Variants in PALLD observed in about 807,000 individuals in gnomAD.
PALLD encodes the protein palladin, cytoskeletal associated protein, also known as palladin.
PALLD carries 61 observed loss-of-function variants against 123.5 expected under a neutral mutation model. The observed-to-expected ratio is 0.49, with a 90% CI of 0.40 to 0.61. PALLD has a LOEUF of 0.61. Among genes scored for constraint, PALLD ranks in the 20% least tolerant of loss-of-function variants. The probability of loss-of-function intolerance (pLI) is 0.00; values close to 1 mark genes in which losing one functional copy is unlikely to be tolerated. For synonymous variants in PALLD, 465 were observed against 496.4 expected, an observed-to-expected ratio of 0.94 and a Z score of 0.84; for missense variants, 1,273 against 1,377.0, an observed-to-expected ratio of 0.92 and a Z score of 1.20.
chr4:168,902,674 C>T (rs768038382), intron 14 of PALLD, among the ~76,000 whole-genome samples: 4 of 152,080 alleles, frequency 2.6e-5, no homozygotes, highest in African/African-American at 4.8e-5. Context: ...CCTTAGAACT[C>T]GGACATCCAT....
chr4:168,754,160 T>C (rs1581283345), intron 10 of PALLD, among the ~76,000 whole-genome samples: 2 of 152,376 alleles, frequency 1.3e-5, no homozygotes, highest in East Asian at 3.9e-4. Context: ...TTTCCTTCTT[T>C]GTTATTTAGA....
At chr4:168,873,510 A>G (rs558885878) in intron 10 of PALLD, among the ~76,000 whole-genome samples, 4 of 152,354 alleles carry the variant, frequency 2.6e-5, no homozygotes, top group East Asian at 1.9e-4. Flanking sequence ...TGCAATCCAG[A>G]TATTGCTCCA....
intron 2 of PALLD, among the ~76,000 whole-genome samples, chr4:168,606,183 G>A (rs956168852): frequency 6.6e-6 from 1 of 152,090 alleles, no homozygotes; most frequent in African/African-American, 2.4e-5. Flanking sequence ...TTGATTATCA[G>A]GGAAGTTGAG....
intron 10 of PALLD, among the ~76,000 whole-genome samples, chr4:168,817,964 G>A (rs377495524): frequency 2.0e-4 from 31 of 152,280 alleles, no homozygotes; most frequent in African/African-American, 6.5e-4. Context: ...CTGCCCAGAA[G>A]AGTTTGGGTA....
At chr4:168,584,618 C>T (rs1770627365) in intron 2 of PALLD, among the ~76,000 whole-genome samples, 1 of 152,150 alleles carries the variant, frequency 6.6e-6, no homozygotes, top group Non-Finnish European at 1.5e-5. Flanking sequence ...ATCTTAGTCA[C>T]CAAGTATGTC....
chr4:168,748,482 G>A lies in PALLD; in HGVS notation c.1964+36559G>A, dbSNP rs1010489723. ...TAAAAGCTTAGTTGACTTCTATGGT[G>A]TATTCGTTTCCTATTCTGTATAACA... On this transcript the variant is annotated intron_variant, in intron 10 of 21. Coordinates refer to ENST00000505667, the MANE Select transcript of PALLD (RefSeq NM_001166108.2). 3.3e-5 allele frequency among the ~76,000 whole-genome samples: 5 copies of A among 152,336 alleles called. No individual in the cohort carries two copies. In the East Asian group the frequency reaches 7.7e-4, roughly 23 times the overall value.
chr4:168,612,803 C>T (rs897012930), intron 2 of PALLD, among the ~76,000 whole-genome samples: 8 of 152,168 alleles, frequency 5.3e-5, no homozygotes, highest in African/African-American at 1.4e-4. Flanking sequence ...AAAATCTTCT[C>T]CCAGGGTCCT....
At chr4:168,652,397 G>A (rs2149923127) in intron 2 of PALLD, among the ~76,000 whole-genome samples, 1 of 152,258 alleles carries the variant, frequency 6.6e-6, no homozygotes, top group South Asian at 2.1e-4. Context: ...TCTCAAATGG[G>A]CCTTTGAAAA....
chr4:168,542,589 A>G (rs1765723982), intron 2 of PALLD, among the ~76,000 whole-genome samples: 1 of 150,706 alleles, frequency 6.6e-6, no homozygotes, highest in Non-Finnish European at 1.5e-5. Flanking sequence ...CAGTTTCCAT[A>G]AACAGAAAAA....
intron 2 of PALLD, among the ~76,000 whole-genome samples, chr4:168,601,614 T>TA (rs369717575): frequency 0.014 from 2,157 of 151,932 alleles, 17 homozygotes; most frequent in Middle Eastern, 0.054. Context: ...TGATCTGTAT[T>TA]AAAAAAAAGA....
At chr4:168,784,804 A>G (rs1326957160) in intron 10 of PALLD, among the ~76,000 whole-genome samples, 1 of 152,044 alleles carries the variant, frequency 6.6e-6, no homozygotes. Context: ...TTAAGTGCAC[A>G]GTAGTCCATG....
intron 10 of PALLD, among the ~76,000 whole-genome samples, chr4:168,834,693 C>T (rs1460558076): frequency 1.3e-5 from 2 of 152,102 alleles, no homozygotes; most frequent in African/African-American, 2.4e-5. Context: ...GCCAAGATTA[C>T]ACCACTGCAC....
At chr4:168,562,895 C>T (rs545046473) in intron 2 of PALLD, among the ~76,000 whole-genome samples, 3 of 152,180 alleles carry the variant, frequency 2.0e-5, no homozygotes, top group East Asian at 1.9e-4. Context: ...GCAGCTCCAT[C>T]GTTTGTGTAG....
In PALLD at chr4:168,623,681, C is replaced by T. The variant is rs115673820; in HGVS notation, c.909-44509C>T. Reference sequence around the variant, plus strand: ...CATAAGGAAAGGCATACCGGGCAAACGGAACTGAAAAAGCAAGGTTATGAC... The same window carrying T: ...CATAAGGAAAGGCATACCGGGCAAATGGAACTGAAAAAGCAAGGTTATGAC... On this transcript the variant is annotated intron_variant, in intron 2 of 21. Coordinates refer to ENST00000505667, the MANE Select transcript of PALLD (RefSeq NM_001166108.2). 3.3e-3 allele frequency among the ~76,000 whole-genome samples: 507 copies of T among 152,206 alleles called. 2 individuals carry two copies. The highest frequency in any genetic ancestry group is 3.9e-3 in the Non-Finnish European group (266 of 68,014).
At chr4:168,582,424 C>T (rs1041650989) in intron 2 of PALLD, among the ~76,000 whole-genome samples, 1 of 151,880 alleles carries the variant, frequency 6.6e-6, no homozygotes, top group Non-Finnish European at 1.5e-5. Context: ...GACTATTTGA[C>T]TTCTCCCTTT....
intron 10 of PALLD, among the ~76,000 whole-genome samples, chr4:168,801,193 G>A (rs1024305602): frequency 1.4e-4 from 22 of 152,268 alleles, no homozygotes; most frequent in African/African-American, 5.3e-4. Context: ...GCACACACAG[G>A]AATCTTCTGT....
At chr4:168,734,616 G>A (rs1237304838) in intron 10 of PALLD, among the ~76,000 whole-genome samples, 1 of 152,032 alleles carries the variant, frequency 6.6e-6, no homozygotes, top group Non-Finnish European at 1.5e-5. Flanking sequence ...TTCATTAGCC[G>A]TTACTATGGA....
At chr4:168,586,100 A>G (rs1770787182) in intron 2 of PALLD, among the ~76,000 whole-genome samples, 1 of 148,450 alleles carries the variant, frequency 6.7e-6, no homozygotes, top group African/African-American at 2.5e-5. Flanking sequence ...GTGTTTGAGC[A>G]CTTTAAGATA....
intron 10 of PALLD, among the ~76,000 whole-genome samples, chr4:168,855,604 A>C (rs923790795): frequency 1.3e-5 from 2 of 152,172 alleles, no homozygotes; most frequent in African/African-American, 2.4e-5. Context: ...ATTATGTAAT[A>C]TGAATGGGAT....
Sources: allele counts gnomAD v4.1 joint callset (sites outside exome capture counted in the v4.1 genomes callset), GRCh38; gene constraint gnomAD v4.1.1; transcripts MANE v1.5; gene names NCBI Gene and HGNC (gene_info 2026-07-23, HGNC 2026-07-21).